Variants in TNS1 observed in about 807,000 individuals in gnomAD.
TNS1 encodes the protein tensin 1.
A neutral mutation model predicts 168.6 loss-of-function variants in TNS1; 62 were observed. The ratio of observed to expected loss-of-function variants is 0.37; its 90% CI spans 0.30 to 0.45. The LOEUF (loss-of-function observed/expected upper bound fraction) is 0.45. Ranked by LOEUF, TNS1 falls within the 20% of genes least tolerant of loss-of-function variation. TNS1 has a pLI of 1.00. For synonymous variants in TNS1, 934 were observed against 933.2 expected (o/e 1.00, Z -0.02); for missense variants, 2,240 against 2,339.4 (o/e 0.96, Z 0.88).
intron 32 of TNS1, among the ~76,000 whole-genome samples, chr2:217,806,994 T>TC (rs1446716572): frequency 6.6e-6 from 1 of 152,236 alleles, no homozygotes; most frequent in Non-Finnish European, 1.5e-5. Context: ...ATCTGCTCTT[T>TC]CCACCTCTCT....
At chr2:217,938,119 C>T (rs969470506) in intron 3 of TNS1, among the ~76,000 whole-genome samples, 1 of 152,162 alleles carries the variant, frequency 6.6e-6, no homozygotes, top group African/African-American at 2.4e-5. Context: ...AGGAACACTC[C>T]CCAGCTGTCA....
chr2:217,806,439 G>C (rs1484513958), intron 32 of TNS1, among the ~76,000 whole-genome samples: 1 of 152,144 alleles, frequency 6.6e-6, no homozygotes, highest in Non-Finnish European at 1.5e-5. Context: ...ACCCATCAAA[G>C]CTTCTTCAGC....
At chr2:217,852,111 C>T (rs1196779661) in intron 18 of TNS1, among the ~76,000 whole-genome samples, 2 of 152,194 alleles carry the variant, frequency 1.3e-5, no homozygotes, top group African/African-American at 2.4e-5. Flanking sequence ...CACCATTGCA[C>T]TCCAGCCTGG....
At chr2:217,974,132 T>C (rs750726154) in intron 3 of TNS1, among the ~76,000 whole-genome samples, 2 of 152,190 alleles carry the variant, frequency 1.3e-5, no homozygotes, top group Non-Finnish European at 2.9e-5. Flanking sequence ...CTTTGGGGTA[T>C]ATTGACTTGA....
chr2:217,812,391 C>A lies in TNS1; in HGVS notation c.5009G>T (p.Cys1670Phe). The A allele has an allele frequency of 6.2e-7, 1 of 1,614,062 alleles. No homozygotes were observed. Reference protein sequence around the residue: ...QHSIIPLALPCKLVIPNRDPT... With the variant: ...QHSIIPLALPFKLVIPNRDPT... ...ACCTCGGTTTGGAATGACCAGCTTG[C>A]AAGGCAGGGCCAATGGGATGATGGA... Residue 1670 changes from cysteine (C) to phenylalanine (F), a missense_variant, in exon 28 of 33, where the codon TGC (cysteine) becomes TTC (phenylalanine). Coordinates refer to ENST00000682258, the MANE Select transcript of TNS1 (RefSeq NM_001387777.1).
rs2105983901 is a variant in TNS1, at chr2:218,002,992, A to G, written c.-120T>C. The G allele has an allele frequency of 4.4e-6, 2 of 452,398 alleles. No homozygotes were observed. Among genetic ancestry groups the G allele is most frequent in the Non-Finnish European group, 8.9e-6 (2 of 225,326 alleles). The allele number at this position is 452,398 out of a possible 1,614,324, so 28.0% of individuals were successfully genotyped here. A position where few individuals can be genotyped will look rare whatever the true frequency, so the allele number is the denominator to read the frequency against. On this transcript the variant is annotated 5_prime_UTR_variant, in exon 1 of 33. The change abolishes an upstream ATG in the 5' untranslated region. Coordinates refer to ENST00000682258, the MANE Select transcript of TNS1 (RefSeq NM_001387777.1). ...CCGCGGCTGCTCCGGCTCCGCCAGCATCTGCTGGGCCTCTCGCCCTGCTGC... is the reference window on the plus strand; with the variant it reads ...CCGCGGCTGCTCCGGCTCCGCCAGCGTCTGCTGGGCCTCTCGCCCTGCTGC...
intron 4 of TNS1, among the ~76,000 whole-genome samples, chr2:217,910,833 C>T (rs527283713): frequency 1.3e-4 from 20 of 152,034 alleles, no homozygotes; most frequent in Admixed American, 3.9e-4. Flanking sequence ...CCTCCATCCC[C>T]CTGTTTCACA....
At chr2:217,805,488 A>AC (rs1938457320) in intron 32 of TNS1, among the ~76,000 whole-genome samples, 6 of 26,996 alleles carry the variant, frequency 2.2e-4, no homozygotes, top group Middle Eastern at 0.028. Context: ...CACACACCAC[A>AC]CACACACCAC....
At chr2:217,952,361 G>C (rs1416617953) in intron 3 of TNS1, among the ~76,000 whole-genome samples, 2 of 152,170 alleles carry the variant, frequency 1.3e-5, no homozygotes, top group Non-Finnish European at 2.9e-5. Context: ...AGGGGTGATA[G>C]GACTTGATTC....
chr2:218,029,229 G>A (rs1958872908), intron 1 of TNS1, among the ~76,000 whole-genome samples: 1 of 150,972 alleles, frequency 6.6e-6, no homozygotes, highest in South Asian at 2.1e-4. Flanking sequence ...AGGCCGGGGG[G>A]CAAGTGAATT....
At chr2:218,030,847 GTGTC>G (rs1958885855) in intron 1 of TNS1, among the ~76,000 whole-genome samples, 1 of 152,250 alleles carries the variant, frequency 6.6e-6, no homozygotes, top group South Asian at 2.1e-4. Context: ...CAGTGGCTGT[GTGTC>G]TGTGTGTGTC....
chr2:217,984,232 G>A (rs936076961), intron 2 of TNS1, among the ~76,000 whole-genome samples: 1 of 152,158 alleles, frequency 6.6e-6, no homozygotes, highest in African/African-American at 2.4e-5. Flanking sequence ...TGTTTCTGCA[G>A]AGAACCTTGA....
rs778703019 is a variant in TNS1 at position 217,812,405 on chromosome 2, T to G, written c.4995A>C (p.Pro1665=). ...TGACCAGCTTGCAAGGCAGGGCCAA[T>G]GGGATGATGGAGTGCTGGTAGACCA... ...SALVYQHSII[P]LALPCKLVIP... is the part of the protein sequence containing the mutation. Residue 1665 remains proline (P), a synonymous_variant, in exon 28 of 33, where the codon CCA becomes CCC. Transcript: ENST00000682258. 15 of 1,614,000 alleles carry G rather than the reference T, an allele frequency of 9.3e-6. No individual in the cohort carries two copies. The highest frequency in any genetic ancestry group is 1.3e-5 in the Non-Finnish European group (15 of 1,179,998).
rs758891569 is a variant in TNS1, at chr2:217,978,746, C to G, written c.186+19G>C. 7.7e-5 allele frequency: 54 copies of G among 701,794 alleles called. No homozygotes were observed. In the African/African-American group the frequency reaches 8.7e-4, roughly 11 times the overall value. The allele number at this position is 701,794 out of a possible 1,614,324, so 43.5% of individuals were successfully genotyped here. On this transcript the variant is annotated intron_variant, in intron 3 of 32. Transcript: ENST00000682258. ...CCTGTCCCAAGTCCTCCCGGGCCCGCCAGCCCGCGGCCCCTTACCTTGGCC... is the reference window on the plus strand; with the variant it reads ...CCTGTCCCAAGTCCTCCCGGGCCCGGCAGCCCGCGGCCCCTTACCTTGGCC...
intron 3 of TNS1, among the ~76,000 whole-genome samples, chr2:217,974,447 A>G (rs1347279180): frequency 6.6e-6 from 1 of 152,088 alleles, no homozygotes; most frequent in Non-Finnish European, 1.5e-5. Flanking sequence ...CCTTTATTCT[A>G]TCCTTTTATC....
At chr2:217,941,191 T>C (rs1956892680) in intron 3 of TNS1, among the ~76,000 whole-genome samples, 2 of 152,332 alleles carry the variant, frequency 1.3e-5, no homozygotes, top group South Asian at 4.1e-4. Flanking sequence ...AGGCCTGTTT[T>C]GGGGAGGCCA....
intron 19 of TNS1, among the ~76,000 whole-genome samples, chr2:217,844,168 C>T (rs572734142): frequency 2.0e-5 from 3 of 152,170 alleles, no homozygotes; most frequent in Non-Finnish European, 4.4e-5. Flanking sequence ...GTTCTACCCC[C>T]ACAGTATCCA....
chr2:217,896,445 CAGAG>C (rs1293786979), intron 8 of TNS1, among the ~76,000 whole-genome samples: 2 of 152,140 alleles, frequency 1.3e-5, no homozygotes, highest in Non-Finnish European at 2.9e-5. Context: ...AGAAGACACA[CAGAG>C]AGACACTGAA....
chr2:217,844,706 C>A (rs1040431996), intron 19 of TNS1, among the ~76,000 whole-genome samples: 2 of 152,210 alleles, frequency 1.3e-5, no homozygotes, highest in Admixed American at 6.5e-5. Flanking sequence ...TCTCTTATTA[C>A]AAAAGACTAT....
Sources: allele counts gnomAD v4.1 joint callset (sites outside exome capture counted in the v4.1 genomes callset), GRCh38; gene constraint gnomAD v4.1.1; transcripts MANE v1.5; gene names NCBI Gene and HGNC (gene_info 2026-07-23, HGNC 2026-07-21).